The following PINX1 variants were observed in gnomAD, a reference collection of about 807,000 sequenced individuals.
PINX1 encodes the protein PIN2/TERF1-interacting telomerase inhibitor 1.
PINX1 carries 34 observed loss-of-function variants against 25.4 expected under a neutral mutation model. The ratio of observed to expected loss-of-function variants is 1.34; its 90% CI spans 1.02 to 1.78. The LOEUF is 1.78. PINX1 is among the 40% of genes most tolerant of loss of function. PINX1 has a pLI of 0.00. For missense variants in PINX1, 592 were observed against 404.9 expected (o/e 1.46, Z -3.97); for synonymous variants, 197 against 147.7 (o/e 1.33, Z -2.42).
chr8:10,801,113 G>C (rs922559938), intron 6 of PINX1, among the ~76,000 whole-genome samples: 1 of 152,198 alleles, frequency 6.6e-6, no homozygotes, highest in Non-Finnish European at 1.5e-5. Context: ...ACTGCTGGTA[G>C]AAAACCGAAT....
rs375141625 is a variant in PINX1, at chr8:10,765,434, T to C, written c.954A>G (p.Leu318=). 25 of 1,606,950 alleles carry C rather than the reference T, an allele frequency of 1.6e-5. No homozygotes were observed. The African/African-American group carries it at 2.8e-4, about 18-fold the overall frequency. Reference sequence around the variant, plus strand: ...AATCTTTCTTCTTCTTCTTTTTCACTAGCGTTTCTTCTAGTGTAGCGTCCT... The same window carrying C: ...AATCTTTCTTCTTCTTCTTTTTCACCAGCGTTTCTTCTAGTGTAGCGTCCT... The part of the protein sequence containing the change: ...IAEDATLEET[L]VKKKKKKDSK The change falls in exon 7 of 7, where the codon CTA becomes CTG. Residue 318 remains leucine (L), a synonymous_variant. Coordinates refer to ENST00000314787, the MANE Select transcript of PINX1 (RefSeq NM_017884.6).
chr8:10,765,248 G>A lies in PINX1; in HGVS notation c.*153C>T, dbSNP rs1800991096. 3 of 608,458 alleles carry A rather than the reference G, an allele frequency of 4.9e-6. No individual in the cohort carries two copies. The highest frequency in any genetic ancestry group is 1.8e-5 in the African/African-American group (1 of 54,056). The allele number at this position is 608,458 out of a possible 1,614,324, so 37.7% of individuals were successfully genotyped here. A position where few individuals can be genotyped will look rare whatever the true frequency, so the allele number is the denominator to read the frequency against. On this transcript the variant is annotated 3_prime_UTR_variant, in exon 7 of 7. Coordinates refer to ENST00000314787, the MANE Select transcript of PINX1 (RefSeq NM_017884.6). ...CCTGGGAATGTAACTTGGGGGAAAT[G>A]TGGCGAGAGGGCAGGACTCGGCAGC...
intron 6 of PINX1, among the ~76,000 whole-genome samples, chr8:10,814,625 T>C (rs879418394): frequency 3.3e-5 from 5 of 152,368 alleles, no homozygotes; most frequent in Admixed American, 2.0e-4. Flanking sequence ...TGGCGTAGAA[T>C]GTAGATTATG....
chr8:10,819,764 T>C (rs1291287554), intron 6 of PINX1, among the ~76,000 whole-genome samples: 1 of 152,182 alleles, frequency 6.6e-6, no homozygotes, highest in Non-Finnish European at 1.5e-5. Flanking sequence ...GCTGTTAGAA[T>C]GGGACAGGCT....
At chr8:10,786,000 G>A (rs910552458) in intron 6 of PINX1, among the ~76,000 whole-genome samples, 2 of 152,200 alleles carry the variant, frequency 1.3e-5, no homozygotes, top group Non-Finnish European at 2.9e-5. Context: ...TTTATGTGGC[G>A]AGCGCAGAGC....
chr8:10,782,677 A>T (rs1801624436), intron 6 of PINX1, among the ~76,000 whole-genome samples: 1 of 152,200 alleles, frequency 6.6e-6, no homozygotes, highest in African/African-American at 2.4e-5. Context: ...CGGAGGTTGC[A>T]GTGAGCCGAG....
chr8:10,808,453 T>C (rs1802525521), intron 6 of PINX1, among the ~76,000 whole-genome samples: 1 of 152,208 alleles, frequency 6.6e-6, no homozygotes, highest in Admixed American at 6.5e-5. Flanking sequence ...ATTACTTTGA[T>C]TAAAAAATAA....
At chr8:10,771,944 A>G (rs1801237123) in intron 6 of PINX1, among the ~76,000 whole-genome samples, 1 of 152,194 alleles carries the variant, frequency 6.6e-6, no homozygotes, top group Non-Finnish European at 1.5e-5. Context: ...ATAGAAACTC[A>G]GTCCAGTGAT....
chr8:10,821,602 G>C (rs1474758410), intron 5 of PINX1, among the ~76,000 whole-genome samples: 3 of 152,206 alleles, frequency 2.0e-5, no homozygotes, highest in Admixed American at 2.0e-4. Context: ...AAAATGAACC[G>C]GGAAAGTGGG....
intron 6 of PINX1, among the ~76,000 whole-genome samples, chr8:10,772,032 A>T (rs1461219863): frequency 2.6e-5 from 4 of 152,264 alleles, no homozygotes; most frequent in African/African-American, 9.6e-5. Flanking sequence ...ATTGGAAAAA[A>T]GCAAGGTACT....
chr8:10,780,909 G>C (rs1002372859), intron 6 of PINX1, among the ~76,000 whole-genome samples: 2 of 152,104 alleles, frequency 1.3e-5, no homozygotes, highest in Admixed American at 1.3e-4. Flanking sequence ...AATTCTGAGA[G>C]AGAAAAACAA....
chr8:10,828,005 GA>G (rs1213648447), intron 4 of PINX1, among the ~76,000 whole-genome samples: 3 of 151,680 alleles, frequency 2.0e-5, no homozygotes, highest in Non-Finnish European at 4.4e-5. Flanking sequence ...ACAGTGGAGC[GA>G]AACAAGCACG....
chr8:10,777,308 C>G (rs914821139), intron 6 of PINX1, among the ~76,000 whole-genome samples: 2 of 152,236 alleles, frequency 1.3e-5, no homozygotes, highest in African/African-American at 2.4e-5. Context: ...CCCACTTTCT[C>G]CTTTCTGGCT....
intron 6 of PINX1, among the ~76,000 whole-genome samples, chr8:10,784,428 CT>C (rs1801685787): frequency 1.3e-5 from 2 of 152,312 alleles, no homozygotes; most frequent in Admixed American, 6.5e-5. Flanking sequence ...AGTTTCAGCG[CT>C]ACCTAGAAAT....
intron 6 of PINX1, chr8:10,771,194 G>A (rs1435775912): frequency 6.6e-6 from 1 of 152,162 alleles, no homozygotes; most frequent in Non-Finnish European, 1.5e-5. Flanking sequence ...TATCCCTTCA[G>A]GTATGAAGTG....
At chr8:10,793,919 C>G (rs528940363) in intron 6 of PINX1, among the ~76,000 whole-genome samples, 72 of 152,180 alleles carry the variant, frequency 4.7e-4, no homozygotes, top group Non-Finnish European at 7.9e-4. Context: ...CAATGAGTAT[C>G]TAGTAACAGA....
intron 2 of PINX1, among the ~76,000 whole-genome samples, chr8:10,833,335 T>C (rs557672622): frequency 6.6e-6 from 1 of 152,074 alleles, no homozygotes. Flanking sequence ...CGGGAGGAAT[T>C]TGGATTTTAT....
At chr8:10,781,141 G>C (rs1462394825) in intron 6 of PINX1, among the ~76,000 whole-genome samples, 1 of 152,050 alleles carries the variant, frequency 6.6e-6, no homozygotes, top group Non-Finnish European at 1.5e-5. Context: ...GAAAAACTGG[G>C]TTTCTCATGT....
At chr8:10,822,234 T>C (rs1417484996) in intron 5 of PINX1, 1 of 151,814 alleles carries the variant, frequency 6.6e-6, no homozygotes, top group Non-Finnish European at 1.5e-5. Context: ...AGTTACTAAT[T>C]AATGGTCCTG....
Sources: allele counts gnomAD v4.1 joint callset (sites outside exome capture counted in the v4.1 genomes callset), GRCh38; gene constraint gnomAD v4.1.1; transcripts MANE v1.5; gene names NCBI Gene and HGNC (gene_info 2026-07-23, HGNC 2026-07-21).